Variants in CACNA2D3 observed in about 807,000 individuals in gnomAD.
The protein encoded by CACNA2D3 is voltage-dependent calcium channel subunit alpha-2/delta-3.
In CACNA2D3, 60 loss-of-function variants were observed where a neutral mutation model predicts 160.6. The ratio of observed to expected loss-of-function variants is 0.37; its 90% CI spans 0.30 to 0.46. CACNA2D3 has a LOEUF of 0.46. CACNA2D3 is among the 20% of genes least tolerant of loss of function. The pLI, the probability that CACNA2D3 is intolerant of heterozygous loss-of-function variation, is 1.00. For missense variants in CACNA2D3, 1,205 were observed against 1,365.0 expected, an observed-to-expected ratio of 0.88 and a Z score of 1.85; for synonymous variants, 558 against 492.9, an observed-to-expected ratio of 1.13 and a Z score of -1.75.
intron 2 of CACNA2D3, among the ~76,000 whole-genome samples, chr3:54,212,855 G>C (rs748402326): frequency 4.5e-4 from 69 of 152,150 alleles, no homozygotes; most frequent in Admixed American, 7.2e-4. Flanking sequence ...GTTTCCTCAA[G>C]TGTGAACTGG....
intron 2 of CACNA2D3, among the ~76,000 whole-genome samples, chr3:54,151,336 G>T (rs1700149112): frequency 6.6e-6 from 1 of 152,074 alleles, no homozygotes; most frequent in Non-Finnish European, 1.5e-5. Context: ...ATGGAGAGAT[G>T]AGTGGATAGA....
intron 14 of CACNA2D3, among the ~76,000 whole-genome samples, chr3:54,827,955 C>T (rs1703781851): frequency 6.6e-6 from 1 of 152,206 alleles, no homozygotes; most frequent in Non-Finnish European, 1.5e-5. Context: ...TTCTTCCAGC[C>T]ACAGTGTTCA....
At chr3:54,869,944 A>G (rs549953180) in intron 17 of CACNA2D3, among the ~76,000 whole-genome samples, 16 of 152,322 alleles carry the variant, frequency 1.1e-4, no homozygotes, top group South Asian at 1.0e-3. Context: ...ATCTGATGTC[A>G]TAAAACTGAC....
intron 4 of CACNA2D3, among the ~76,000 whole-genome samples, chr3:54,416,507 G>C (rs750750282): frequency 2.0e-5 from 3 of 152,054 alleles, no homozygotes; most frequent in Non-Finnish European, 4.4e-5. Flanking sequence ...CAGGTGATTG[G>C]TTATCATCAG....
chr3:54,452,249 CA>C (rs969132997), intron 4 of CACNA2D3, among the ~76,000 whole-genome samples: 12 of 152,274 alleles, frequency 7.9e-5, no homozygotes, highest in African/African-American at 2.9e-4. Flanking sequence ...TGGTGGCAGG[CA>C]AGAGAGCTTG....
intron 35 of CACNA2D3, among the ~76,000 whole-genome samples, chr3:55,041,581 G>T (rs1703961505): frequency 6.6e-6 from 1 of 152,068 alleles, no homozygotes; most frequent in Admixed American, 6.5e-5. Context: ...TGTTGCAAAT[G>T]ATTTTCTAAA....
intron 4 of CACNA2D3, among the ~76,000 whole-genome samples, chr3:54,440,655 G>T (rs1700129608): frequency 1.3e-5 from 2 of 152,000 alleles, no homozygotes; most frequent in African/African-American, 4.8e-5. Context: ...GCCCACAACA[G>T]GCCCTGGTGT....
intron 11 of CACNA2D3, among the ~76,000 whole-genome samples, chr3:54,714,814 G>T (rs533639972): frequency 6.6e-6 from 1 of 152,304 alleles, no homozygotes; most frequent in African/African-American, 2.4e-5. Flanking sequence ...GCAAAGTATA[G>T]AAACCATCTG....
At chr3:54,725,801 A>G (rs1355879991) in intron 11 of CACNA2D3, among the ~76,000 whole-genome samples, 1 of 152,180 alleles carries the variant, frequency 6.6e-6, no homozygotes, top group Non-Finnish European at 1.5e-5. Flanking sequence ...CCCACGTCCA[A>G]TATCATACTG....
chr3:55,012,924 A>G (rs953014348), intron 34 of CACNA2D3, among the ~76,000 whole-genome samples: 3 of 151,952 alleles, frequency 2.0e-5, no homozygotes, highest in African/African-American at 7.3e-5. Flanking sequence ...CCCCCACCCC[A>G]GCTGGACCAA....
At chr3:54,637,340 T>TG (rs939322159) in intron 10 of CACNA2D3, among the ~76,000 whole-genome samples, 50 of 150,920 alleles carry the variant, frequency 3.3e-4, no homozygotes, top group South Asian at 2.3e-3. Context: ...TGGGTTAAGG[T>TG]GGGGGGATAC....
rs924972271 is a variant in CACNA2D3, at chr3:55,074,470, A to C, written c.*264A>C. On this transcript the variant is annotated 3_prime_UTR_variant, in exon 38 of 38. Transcript: ENST00000474759. ...ACCCTTCATCAGAAATGGGACCGCA[A>C]GTGGTAGGCAGTGTCCCTTCTGCTT... is the stretch of plus-strand genomic sequence containing the variant. 4 of 468,426 alleles carry C rather than the reference A, an allele frequency of 8.5e-6. No homozygotes were observed. The highest frequency in any genetic ancestry group is 7.9e-5 in the African/African-American group (4 of 50,642). The allele number at this position is 468,426 out of a possible 1,614,324, so 29.0% of individuals were successfully genotyped here. A position where few individuals can be genotyped will look rare whatever the true frequency, so the allele number is the denominator to read the frequency against.
intron 6 of CACNA2D3, among the ~76,000 whole-genome samples, chr3:54,568,314 C>T (rs1702440620): frequency 1.3e-5 from 2 of 152,216 alleles, no homozygotes; most frequent in South Asian, 4.1e-4. Context: ...ACATTATTTT[C>T]AGTTTTACAT....
In CACNA2D3 at chr3:54,736,107, A is replaced by ATATGTATG. The variant is rs1253808917; in HGVS notation, c.1168-16491_1168-16490insATGTATGT. On this transcript the variant is annotated intron_variant, in intron 11 of 37. Coordinates refer to ENST00000474759, the MANE Select transcript of CACNA2D3 (RefSeq NM_018398.3). ...TGTATGTGTATATATATACATATAT[A>ATATGTATG]TGTATATATATACATATATATATGT... 3.5e-3 allele frequency among the ~76,000 whole-genome samples: 75 copies of ATATGTATG among 21,296 alleles called. 2 individuals are homozygous for ATATGTATG. The highest frequency in any genetic ancestry group is 9.2e-3 in the African/African-American group (67 of 7,284). The allele number at this position is 21,296 out of a possible 152,430, so 14.0% of individuals were successfully genotyped here. A position where few individuals can be genotyped will look rare whatever the true frequency, so the allele number is the denominator to read the frequency against.
At chr3:54,650,176 G>A (rs1441614963) in intron 11 of CACNA2D3, among the ~76,000 whole-genome samples, 1 of 151,340 alleles carries the variant, frequency 6.6e-6, no homozygotes, top group Non-Finnish European at 1.5e-5. Flanking sequence ...ACAATTGTAG[G>A]GTAGCTTGTT....
chr3:54,635,187 G>A (rs1032782699), intron 10 of CACNA2D3, among the ~76,000 whole-genome samples: 5 of 151,920 alleles, frequency 3.3e-5, no homozygotes, highest in South Asian at 2.1e-4. Context: ...GCCTGGATAC[G>A]GTTTTGTATG....
At chr3:54,762,364 G>T (rs1351881179) in intron 12 of CACNA2D3, among the ~76,000 whole-genome samples, 1 of 152,090 alleles carries the variant, frequency 6.6e-6, no homozygotes, top group Non-Finnish European at 1.5e-5. Flanking sequence ...CAGTTCCTCT[G>T]GCTAACTGGT....
Position 54,750,728 on chromosome 3 carries a change from G to A in CACNA2D3, c.1168-1871G>A, listed in dbSNP as rs564242796. Among the ~76,000 whole-genome samples the A allele has an allele frequency of 9.9e-5, 15 of 152,136 alleles. No individual in the cohort carries two copies. In the East Asian group the frequency reaches 2.9e-3, roughly 29 times the overall value. On this transcript the variant is annotated intron_variant, in intron 11 of 37. Coordinates refer to ENST00000474759, the MANE Select transcript of CACNA2D3 (RefSeq NM_018398.3). ...GTGAACGGGGGTGCAGCTATATGAAGGAGGGTCAGTGGTAATCACTTTTGG... is the reference window on the plus strand; with the variant it reads ...GTGAACGGGGGTGCAGCTATATGAAAGAGGGTCAGTGGTAATCACTTTTGG...
rs1699500588 is a variant in CACNA2D3 at position 54,122,811 on chromosome 3, C to T, written c.98C>T (p.Ser33Leu). 8.1e-7 allele frequency: 1 copy of T among 1,232,534 alleles called. No homozygotes were observed. Among genetic ancestry groups the T allele is most frequent in the Non-Finnish European group, 1.0e-6 (1 of 982,682 alleles). 76.3% of individuals were successfully genotyped at this position (1,232,534 alleles called of 1,614,324 possible). ...GCCGCGCTGGGGGACGTGGTGCGCT[C>T]GGAGCAGCAGATACCGCTCTCCGTG... ...LYAALGDVVR[S>L]EQQIPLSVVK... is the part of the protein sequence containing the mutation. Residue 33 changes from serine (S) to leucine (L), a missense_variant, in exon 1 of 38, where the codon TCG (serine) becomes TTG (leucine). Ser to Leu is a moderately radical substitution (Grantham distance 145, BLOSUM62 -2). Transcript: ENST00000474759.
Sources: gnomAD v4.1 joint callset for allele counts (sites outside exome capture counted in the v4.1 genomes callset) on GRCh38, gnomAD v4.1.1 for gene constraint, MANE v1.5 for transcripts, NCBI Gene and HGNC (gene_info 2026-07-23, HGNC 2026-07-21) for gene names.